Variants in DCTN4 observed in about 807,000 individuals in gnomAD.
DCTN4 encodes dynactin subunit 4.
DCTN4 carries 23 observed loss-of-function variants against 62.7 expected under a neutral mutation model. The observed-to-expected ratio is 0.37, with a 90% CI of 0.26 to 0.52. DCTN4 has a LOEUF of 0.52. Ranked by LOEUF, DCTN4 falls within the 20% of genes least tolerant of loss-of-function variation. The probability of loss-of-function intolerance (pLI) is 0.92; values close to 1 mark genes in which losing one functional copy is unlikely to be tolerated. For missense variants in DCTN4, 514 were observed against 580.4 expected, an observed-to-expected ratio of 0.89 and a Z score of 1.18; for synonymous variants, 199 against 202.1, an observed-to-expected ratio of 0.98 and a Z score of 0.13.
chr5:150,752,477 T>C lies in DCTN4; in HGVS notation c.385+1002A>G, dbSNP rs148348939. On this transcript the variant is annotated intron_variant, in intron 3 of 12. Coordinates refer to ENST00000447998, the MANE Select transcript of DCTN4 (RefSeq NM_016221.4). Reference sequence around the variant, plus strand: ...ATGCTCCAGGACAGACATTTGGACATTGAATTACTGGGCAGAAGGATATAA... The same window carrying C: ...ATGCTCCAGGACAGACATTTGGACACTGAATTACTGGGCAGAAGGATATAA... Among the ~76,000 whole-genome samples, 663 of 152,310 alleles carry C rather than the reference T, an allele frequency of 4.4e-3. 2 individuals carry two copies. Among genetic ancestry groups the C allele is most frequent in the Non-Finnish European group, 7.5e-3 (511 of 68,030 alleles).
intron 9 of DCTN4, among the ~76,000 whole-genome samples, chr5:150,722,324 G>A (rs989583345): frequency 2.8e-4 from 43 of 152,282 alleles, no homozygotes; most frequent in African/African-American, 1.0e-3. Flanking sequence ...AGTATGATGA[G>A]ATATGAAAAG....
intron 1 of DCTN4, among the ~76,000 whole-genome samples, chr5:150,757,163 G>A (rs1390765226): frequency 2.0e-5 from 3 of 152,060 alleles, no homozygotes; most frequent in Non-Finnish European, 4.4e-5. Flanking sequence ...ACAATCACTG[G>A]AACATAAATA....
At chr5:150,724,388 A>G (rs1760064780) in intron 8 of DCTN4, among the ~76,000 whole-genome samples, 1 of 152,088 alleles carries the variant, frequency 6.6e-6, no homozygotes, top group Non-Finnish European at 1.5e-5. Flanking sequence ...TACTTTTCTC[A>G]GTCTGTGGCT....
chr5:150,742,527 T>C (rs1202396577), intron 3 of DCTN4, among the ~76,000 whole-genome samples: 2 of 152,212 alleles, frequency 1.3e-5, no homozygotes, highest in African/African-American at 2.4e-5. Context: ...AAAGCCAGGA[T>C]TCAAACTCAG....
At chr5:150,744,054 C>A (rs567418667) in intron 3 of DCTN4, among the ~76,000 whole-genome samples, 1 of 152,038 alleles carries the variant, frequency 6.6e-6, no homozygotes, top group Non-Finnish European at 1.5e-5. Context: ...AAAATTTAGA[C>A]GAATGTATAA....
In DCTN4 at chr5:150,731,132, T is replaced by C. The variant is rs769574064; in HGVS notation, c.636A>G (p.Lys212=). Residue 212 remains lysine, a synonymous_variant, in exon 7 of 13, where the codon AAA becomes AAG. Coordinates refer to ENST00000447998, the MANE Select transcript of DCTN4 (RefSeq NM_016221.4). ...GLSLKEGEDQ[K]EIKIEPAQAV... ...CCTGAGCTGGCTCAATCTTTATCTC[T>C]TTCTGATCCTCTCCTTCTTTAAGGC... 8 of 1,611,504 alleles carry C rather than the reference T, an allele frequency of 5.0e-6. No individual in the cohort carries two copies. The East Asian group carries it at 1.8e-4, about 36-fold the overall frequency.
chr5:150,725,402 A>G (rs1379365950), intron 8 of DCTN4, among the ~76,000 whole-genome samples: 1 of 151,754 alleles, frequency 6.6e-6, no homozygotes, highest in African/African-American at 2.4e-5. Flanking sequence ...TAATTTATAT[A>G]TAACTATTTC....
At chr5:150,758,372 G>T in intron 1 of DCTN4, 1 of 986,856 alleles carries the variant, frequency 1.0e-6, no homozygotes, top group Non-Finnish European at 1.2e-6. Flanking sequence ...CCGGCTGCAG[G>T]CCTTGGCCTG....
chr5:150,738,583 C>A (rs1463835930), intron 4 of DCTN4, among the ~76,000 whole-genome samples: 2 of 152,096 alleles, frequency 1.3e-5, no homozygotes, highest in Non-Finnish European at 2.9e-5. Flanking sequence ...GAGCAAAACC[C>A]TCAGCAAAAT....
rs369098676 is a variant in DCTN4, at chr5:150,731,062, G to A, written c.706C>T (p.Pro236Ser). The change falls in exon 7 of 13, where the codon CCA becomes TCA. Residue 236 changes from proline to serine, a missense_variant. By Grantham distance (74) the Pro-to-Ser change is moderately conservative. Transcript: ENST00000447998. ...AAATTACCCTCTGTTAAATTTACTG[G>A]TCTTGTATAATAGTCTTCAGGTAGA... ...EPLPEDYYTR[P>S]VNLTEVTTLQ... is the part of the protein sequence containing the mutation. 8 of 1,596,852 alleles carry A rather than the reference G, an allele frequency of 5.0e-6. No homozygotes were observed. The African/African-American group carries it at 6.7e-5, about 13-fold the overall frequency.
chr5:150,752,735 C>T (rs1175965608), intron 3 of DCTN4, among the ~76,000 whole-genome samples: 2 of 152,168 alleles, frequency 1.3e-5, no homozygotes, highest in African/African-American at 2.4e-5. Flanking sequence ...AATTGCTGCT[C>T]ATATCCTTTG....
intron 9 of DCTN4, among the ~76,000 whole-genome samples, chr5:150,720,545 C>T (rs934911036): frequency 3.3e-5 from 5 of 150,450 alleles, no homozygotes; most frequent in African/African-American, 1.2e-4. Flanking sequence ...ACGGCACAAT[C>T]ATGACTCACT....
At chr5:150,757,966 T>TA (rs959665022) in intron 1 of DCTN4, 2 of 707,948 alleles carry the variant, frequency 2.8e-6, no homozygotes, top group Non-Finnish European at 3.5e-6. Context: ...AAAAATTTTT[T>TA]AAAAAAAGTA....
intron 4 of DCTN4, among the ~76,000 whole-genome samples, chr5:150,741,048 T>C (rs559879974): frequency 6.6e-6 from 1 of 151,998 alleles, no homozygotes; most frequent in East Asian, 1.9e-4. Context: ...AACCTATTTT[T>C]TTTTCTTTTA....
At chr5:150,744,857 C>T (rs574769633) in intron 3 of DCTN4, among the ~76,000 whole-genome samples, 74 of 151,984 alleles carry the variant, frequency 4.9e-4, no homozygotes, top group African/African-American at 1.6e-3. Flanking sequence ...TAAAGACCAT[C>T]GAGACTAGGA....
intron 2 of DCTN4, 79 bp from the exon 3 acceptor site, chr5:150,753,736 T>C: frequency 7.0e-7 from 1 of 1,423,688 alleles, no homozygotes; most frequent in East Asian, 2.4e-5. Flanking sequence ...TAAGGACAAG[T>C]GTCTCTCAAG....
chr5:150,741,276 T>A (rs1760760179), intron 4 of DCTN4, among the ~76,000 whole-genome samples: 1 of 152,158 alleles, frequency 6.6e-6, no homozygotes, highest in Non-Finnish European at 1.5e-5. Context: ...ATTAGAGGTA[T>A]CAACTATTAC....
chr5:150,712,257 G>A (rs1759597588), intron 12 of DCTN4, among the ~76,000 whole-genome samples: 1 of 151,948 alleles, frequency 6.6e-6, no homozygotes, highest in African/African-American at 2.4e-5. Flanking sequence ...GGCCTCCTGA[G>A]TAGCTGGGAT....
chr5:150,752,226 T>G (rs1752702682), intron 3 of DCTN4, among the ~76,000 whole-genome samples: 1 of 152,182 alleles, frequency 6.6e-6, no homozygotes, highest in African/African-American at 2.4e-5. Context: ...TTGAACTGAC[T>G]GTACAGAGAA....
Sources: allele counts gnomAD v4.1 joint callset (sites outside exome capture counted in the v4.1 genomes callset), GRCh38; gene constraint gnomAD v4.1.1; transcripts MANE v1.5; gene names NCBI Gene and HGNC (gene_info 2026-07-23, HGNC 2026-07-21).